The following TRAP1 variants were observed in gnomAD, a reference collection of about 807,000 sequenced individuals.
TRAP1 encodes the protein heat shock protein 75 kDa, mitochondrial.
In TRAP1, 102 loss-of-function variants were observed where a neutral mutation model predicts 89.1. That is an observed-to-expected ratio of 1.15 (90% CI 0.98 to 1.35). The LOEUF (loss-of-function observed/expected upper bound fraction) is 1.35, where lower values mean the gene tolerates loss of function less well. Among genes scored for constraint, TRAP1 ranks in the 40% most tolerant of loss-of-function variants. TRAP1 has a pLI of 0.00. For synonymous variants in TRAP1, 508 were observed against 388.0 expected (o/e 1.31, Z -3.64); for missense variants, 1,256 against 945.3 (o/e 1.33, Z -4.31).
chr16:3,659,194 T>TGAAACATATTA (rs1465290212), intron 16 of TRAP1: 1 of 245,630 alleles, frequency 4.1e-6, no homozygotes, highest in Non-Finnish European at 7.9e-6. Flanking sequence ...ACCCACATGT[T>TGAAACATATTA]GAAACATATT....
At chr16:3,693,246 G>A (rs2051240755) in intron 1 of TRAP1, among the ~76,000 whole-genome samples, 1 of 152,166 alleles carries the variant, frequency 6.6e-6, no homozygotes, top group South Asian at 2.1e-4. Flanking sequence ...ACCATGCCCG[G>A]CCAACCCTAG....
chr16:3,675,048 G>A (rs2050970148), intron 8 of TRAP1: 2 of 463,482 alleles, frequency 4.3e-6, no homozygotes, highest in Non-Finnish European at 3.9e-6. Context: ...TGGCTGCACT[G>A]AACACCATGG....
At chr16:3,675,889 C>A (rs540982238) in intron 7 of TRAP1, 147 bp downstream of exon 7, 17 of 693,906 alleles carry the variant, frequency 2.4e-5, no homozygotes, top group Non-Finnish European at 3.5e-5. Context: ...GGGCAGCCCC[C>A]CTCCCAGTCC....
At chr16:3,712,717 C>G (rs2051548693) in intron 1 of TRAP1, among the ~76,000 whole-genome samples, 1 of 152,208 alleles carries the variant, frequency 6.6e-6, no homozygotes, top group Non-Finnish European at 1.5e-5. Context: ...CAGGTTCAAG[C>G]AATTCTCGTG....
At chr16:3,666,665 T>A (rs1303607766) in intron 11 of TRAP1, among the ~76,000 whole-genome samples, 1 of 152,116 alleles carries the variant, frequency 6.6e-6, no homozygotes, top group Non-Finnish European at 1.5e-5. Flanking sequence ...TTACAGTACG[T>A]CTATAGATAC....
Position 3,703,015 on chromosome 16 carries a change from C to G in TRAP1, c.89-12030G>C, listed in dbSNP as rs773312293. On this transcript the variant is annotated intron_variant, in intron 1 of 17. Transcript: ENST00000246957. ...CAAGATGCTGCCATTGCACTCCAGC[C>G]TGGAGAACAAGAGTGAAACTCCGTC... Among the ~76,000 whole-genome samples the G allele has an allele frequency of 3.1e-5, 4 of 129,004 alleles. No individual in the cohort carries two copies. The Middle Eastern group carries it at 0.015, about 479-fold the overall frequency. 84.6% of individuals were successfully genotyped at this position (129,004 alleles called of 152,430 possible).
At chr16:3,698,043 C>T (rs891616919) in intron 1 of TRAP1, among the ~76,000 whole-genome samples, 4 of 151,938 alleles carry the variant, frequency 2.6e-5, no homozygotes, top group Non-Finnish European at 5.9e-5. Context: ...GAACTCCTGA[C>T]CTCGTGATCC....
chr16:3,684,057 T>C (rs927540105), intron 4 of TRAP1, among the ~76,000 whole-genome samples: 8 of 151,828 alleles, frequency 5.3e-5, no homozygotes, highest in African/African-American at 1.5e-4. Flanking sequence ...ACCCAGCTAC[T>C]TGGGGGGCTG....
intron 4 of TRAP1, among the ~76,000 whole-genome samples, chr16:3,680,498 C>G (rs3829541): frequency 0.54 from 82,257 of 152,122 alleles, 22,804 homozygotes; most frequent in South Asian, 0.67. Context: ...TGACTGAGGA[C>G]ACCAGGAAGC....
In TRAP1 at chr16:3,676,048, C is replaced by A; in HGVS notation, c.802G>T (p.Ala268Ser). The change falls in exon 7 of 18, where the codon GCC (alanine) becomes TCC (serine). Residue 268 changes from alanine (A) to serine (S), a missense_variant. By Grantham distance (99) the Ala-to-Ser change is moderately conservative. Coordinates refer to ENST00000246957, the MANE Select transcript of TRAP1 (RefSeq NM_016292.3). ...KSDCKEFSSE[A>S]RVRDVVTKYS... ...GGCTCCCGCTCACCTCGCACCCGGG[C>A]CTCGCTGGAAAACTCCTTGCAGTCG... The A allele has an allele frequency of 6.2e-7, 1 of 1,613,480 alleles. No individual in the cohort carries two copies.
intron 1 of TRAP1, among the ~76,000 whole-genome samples, chr16:3,692,336 G>C (rs926418581): frequency 1.3e-5 from 2 of 152,184 alleles, no homozygotes; most frequent in South Asian, 2.1e-4. Flanking sequence ...AGGAGTTCGA[G>C]ACCAGCCTGG....
Position 3,689,087 on chromosome 16 carries a change from T to C in TRAP1, c.298A>G (p.Ile100Val), listed in dbSNP as rs767337723. Residue 100 changes from isoleucine (I) to valine (V), a missense_variant, in exon 3 of 18, where the codon ATT (isoleucine) becomes GTT (valine). Coordinates refer to ENST00000246957, the MANE Select transcript of TRAP1 (RefSeq NM_016292.3). ...FQAETKKLLD[I>V]VARSLYSEKE... ...TCTGAGTACAGGGACCGGGCAACAA[T>C]GTCCAAAAGCTTCTTTGTCTCGGCC... The C allele has an allele frequency of 1.4e-5, 23 of 1,613,858 alleles. No individual in the cohort carries two copies. Among genetic ancestry groups the C allele is most frequent in the Non-Finnish European group, 1.9e-5 (23 of 1,179,968 alleles).
intron 1 of TRAP1, among the ~76,000 whole-genome samples, chr16:3,716,782 T>C (rs139539797): frequency 1.3e-5 from 2 of 152,290 alleles, no homozygotes; most frequent in East Asian, 3.9e-4. Flanking sequence ...TACAAACATT[T>C]ATTGGCGCAT....
At chr16:3,663,233 G>A (rs2050728703) in intron 14 of TRAP1, 191 bp downstream of exon 14, 1 of 753,176 alleles carries the variant, frequency 1.3e-6, no homozygotes, top group South Asian at 1.9e-5. Context: ...CAGGAGCACT[G>A]GACAGACCCC....
intron 5 of TRAP1, chr16:3,678,388 A>T (rs2051027980): frequency 6.6e-6 from 1 of 152,290 alleles, no homozygotes; most frequent in Non-Finnish European, 1.5e-5. Context: ...ACAGCAGACC[A>T]ACCTCGAGAG....
At chr16:3,665,526 C>G (rs2050811387) in intron 12 of TRAP1, 1 of 162,906 alleles carries the variant, frequency 6.1e-6, no homozygotes, top group Admixed American at 5.9e-5. Flanking sequence ...CGACTGGCCC[C>G]TGTAGCATAG....
intron 7 of TRAP1, among the ~76,000 whole-genome samples, chr16:3,675,736 C>T (rs2050982179): frequency 6.6e-6 from 1 of 152,184 alleles, no homozygotes; most frequent in Non-Finnish European, 1.5e-5. Context: ...GAAGGCCACG[C>T]CCACATCCTG....
At chr16:3,662,292 T>C (rs2043127117) in intron 15 of TRAP1, 160 bp from the exon 16 acceptor site, 3 of 858,560 alleles carry the variant, frequency 3.5e-6, no homozygotes, top group Non-Finnish European at 5.2e-6. Context: ...ACCCACTAAC[T>C]TGTGGGCCCT....
At chr16:3,714,750 C>T (rs1271734772) in intron 1 of TRAP1, among the ~76,000 whole-genome samples, 2 of 152,180 alleles carry the variant, frequency 1.3e-5, no homozygotes, top group Non-Finnish European at 1.5e-5. Flanking sequence ...GGGCTGAGCT[C>T]ATGGGTGACT....
Sources: gnomAD v4.1 joint callset for allele counts (sites outside exome capture counted in the v4.1 genomes callset) on GRCh38, gnomAD v4.1.1 for gene constraint, MANE v1.5 for transcripts, NCBI Gene and HGNC (gene_info 2026-07-23, HGNC 2026-07-21) for gene names.